NFASC: variants seen among roughly 807,000 people sequenced by gnomAD.
NFASC encodes neurofascin, also known as neurofascin homolog.
NFASC carries 43 observed loss-of-function variants against 147.5 expected under a neutral mutation model. The observed-to-expected ratio is 0.29, with a 90% CI of 0.23 to 0.38. The LOEUF is 0.38. NFASC is among the 10% of genes least tolerant of loss of function. NFASC has a pLI of 1.00. For synonymous variants in NFASC, 622 were observed against 665.5 expected (o/e 0.93, Z 1.01); for missense variants, 1,320 against 1,689.0 (o/e 0.78, Z 3.83).
intron 28 of NFASC, 56 bp downstream of exon 28, chr1:205,009,744 A>C: frequency 1.4e-5 from 22 of 1,570,984 alleles, no homozygotes; most frequent in Non-Finnish European, 1.9e-5. Context: ...CTTTCCCGTG[A>C]GTCTCCAGGT....
intron 1 of NFASC, among the ~76,000 whole-genome samples, chr1:204,893,075 G>T (rs980810524): frequency 6.6e-6 from 1 of 152,232 alleles, no homozygotes; most frequent in African/African-American, 2.4e-5. Context: ...GTAAGGGATA[G>T]AGTAAATAGA....
At chr1:204,978,932 A>T in intron 17 of NFASC, 36 bp from the exon 18 acceptor site, 1 of 1,497,172 alleles carries the variant, frequency 6.7e-7, no homozygotes, top group Non-Finnish European at 9.1e-7. Context: ...GACCTGCTCT[A>T]ACTCAGGAGG....
At position 204,987,536 on chromosome 1, in the gene NFASC, G is replaced by A; in HGVS notation, c.2589G>A (p.Val863=). Residue 863 remains valine, a synonymous_variant, in exon 22 of 30, where the codon GTG becomes GTA. Coordinates refer to ENST00000339876, the MANE Select transcript of NFASC (RefSeq NM_001005388.3). This position sits in a 1 kb window ranked among gnomAD's most constrained non-coding sequence, Gnocchi z 4.4. ...TGATTGGATACACTCTCAAATATGT[G>A]GCCTGTACGTTCTGCCCTTCCCTTT... ...GIMIGYTLKY[V]AFNGTKVGKQ... 1.9e-6 allele frequency: 3 copies of A among 1,614,040 alleles called. No individual in the cohort carries two copies. The highest frequency in any genetic ancestry group is 2.2e-5 in the South Asian group (2 of 91,068).
At chr1:204,938,348 C>G (rs1312111872) in intron 2 of NFASC, among the ~76,000 whole-genome samples, 1 of 152,222 alleles carries the variant, frequency 6.6e-6, no homozygotes, top group Admixed American at 6.5e-5. Flanking sequence ...AGCTCAAACC[C>G]ACTCAGGGGC....
chr1:204,845,302 A>AT, intron 1 of NFASC, among the ~76,000 whole-genome samples: 1 of 151,636 alleles, frequency 6.6e-6, no homozygotes, highest in East Asian at 1.9e-4. Context: ...ATACAAAAAA[A>AT]AAAAAAATAG....
intron 1 of NFASC, among the ~76,000 whole-genome samples, chr1:204,908,056 A>C (rs2086392090): frequency 6.6e-6 from 1 of 152,176 alleles, no homozygotes; most frequent in East Asian, 1.9e-4. Flanking sequence ...ACCATGGCTC[A>C]CTGCAGCCTC....
At chr1:204,936,979 C>A (rs1573353262) in intron 2 of NFASC, among the ~76,000 whole-genome samples, 1 of 152,334 alleles carries the variant, frequency 6.6e-6, no homozygotes, top group Admixed American at 6.5e-5. Flanking sequence ...GCCACAGGGC[C>A]TTTGCACAAG....
intron 1 of NFASC, among the ~76,000 whole-genome samples, chr1:204,841,539 G>T (rs560057691): frequency 1.3e-5 from 2 of 152,272 alleles, no homozygotes; most frequent in Non-Finnish European, 2.9e-5. Flanking sequence ...CCACTGTTCA[G>T]TGCTCTTGAG....
At chr1:204,989,933 C>T (rs2095688152) in intron 23 of NFASC, 1 of 152,194 alleles carries the variant, frequency 6.6e-6, no homozygotes, top group African/African-American at 2.4e-5. Flanking sequence ...TGGCCCAGGC[C>T]CAGACGGGGT....
At chr1:204,844,682 TAAAG>T (rs1245055129) in intron 1 of NFASC, among the ~76,000 whole-genome samples, 1 of 152,024 alleles carries the variant, frequency 6.6e-6, no homozygotes, top group Non-Finnish European at 1.5e-5. Flanking sequence ...ATGTAAGAAT[TAAAG>T]AAAGAGGAGA....
chr1:204,880,612 A>G (rs930969612), intron 1 of NFASC, among the ~76,000 whole-genome samples: 1 of 152,148 alleles, frequency 6.6e-6, no homozygotes, highest in Admixed American at 6.5e-5. Context: ...TCAGTCTCCC[A>G]AAGTGCTGGG....
intron 1 of NFASC, among the ~76,000 whole-genome samples, chr1:204,894,218 C>T (rs1457000079): frequency 6.6e-6 from 1 of 152,236 alleles, no homozygotes; most frequent in Non-Finnish European, 1.5e-5. Context: ...CTGACTTCCT[C>T]ATGCCTCATT....
Position 204,952,130 on chromosome 1 carries a change from A to T in NFASC, c.215+14A>T. The T allele has an allele frequency of 6.3e-7, 1 of 1,590,546 alleles. No homozygotes were observed. Among genetic ancestry groups the T allele is most frequent in the South Asian group, 1.1e-5 (1 of 90,334 alleles). On this transcript the variant is annotated intron_variant, in intron 5 of 29. Coordinates refer to ENST00000339876, the MANE Select transcript of NFASC (RefSeq NM_001005388.3). ...CCCTGCCCCCAGGTGAGTGAAGGGG[A>T]AAAAGAGTGCATTGAAACCACCCGC...
intron 1 of NFASC, among the ~76,000 whole-genome samples, chr1:204,879,287 G>A (rs1430865156): frequency 2.0e-5 from 3 of 152,020 alleles, no homozygotes; most frequent in Non-Finnish European, 4.4e-5. Context: ...CATTTGTTAT[G>A]TGCCGACGTA....
chr1:205,009,374 C>T (rs1312919969), intron 27 of NFASC, 183 bp from the exon 28 acceptor site: 4 of 760,290 alleles, frequency 5.3e-6, no homozygotes, highest in East Asian at 4.9e-5. Context: ...TTGACCTTGG[C>T]TCTTTAATTA....
chr1:204,922,301 G>A (rs2090652493), intron 2 of NFASC, among the ~76,000 whole-genome samples: 1 of 152,054 alleles, frequency 6.6e-6, no homozygotes, highest in Admixed American at 6.5e-5. Flanking sequence ...CCGGGGGCTG[G>A]CTTCTCTGAT....
intron 23 of NFASC, 37 bp downstream of exon 23, chr1:204,988,843 C>T: frequency 6.3e-7 from 1 of 1,592,560 alleles, no homozygotes; most frequent in Non-Finnish European, 8.6e-7. Context: ...GTAAAAGGTC[C>T]CAGCTAATTC....
At chr1:204,904,211 C>A (rs2085283692) in intron 1 of NFASC, among the ~76,000 whole-genome samples, 1 of 152,176 alleles carries the variant, frequency 6.6e-6, no homozygotes, top group Non-Finnish European at 1.5e-5. Context: ...GATCCTCCTG[C>A]CTCAGCCTCC....
chr1:204,846,083 G>A (rs1371364325), intron 1 of NFASC, among the ~76,000 whole-genome samples: 5 of 151,962 alleles, frequency 3.3e-5, no homozygotes, highest in Admixed American at 6.6e-5. Flanking sequence ...ATGGCTGGGC[G>A]CCGTGGCTCA....
Sources: allele counts gnomAD v4.1 joint callset (sites outside exome capture counted in the v4.1 genomes callset), GRCh38; gene constraint gnomAD v4.1.1; non-coding constraint Gnocchi (gnomAD v3.1); transcripts MANE v1.5; gene names NCBI Gene and HGNC (gene_info 2026-07-23, HGNC 2026-07-21).